The following ATF7IP variants were observed in gnomAD, a reference collection of about 807,000 sequenced individuals.
ATF7IP encodes activating transcription factor 7 interacting protein.
In ATF7IP, 23 loss-of-function variants were observed where a neutral mutation model predicts 106.4. That is an observed-to-expected ratio of 0.22 (90% confidence interval 0.16 to 0.31). The LOEUF (loss-of-function observed/expected upper bound fraction) is 0.31. Among genes scored for constraint, ATF7IP ranks in the 10% least tolerant of loss-of-function variants. ATF7IP has a pLI of 1.00. For synonymous variants in ATF7IP, 542 were observed against 539.0 expected, an observed-to-expected ratio of 1.01 and a Z score of -0.08; for missense variants, 1,334 against 1,524.3, an observed-to-expected ratio of 0.88 and a Z score of 2.08.
At chr12:14,465,659 A>G (rs1943804233) in intron 9 of ATF7IP, among the ~76,000 whole-genome samples, 1 of 152,116 alleles carries the variant, frequency 6.6e-6, no homozygotes, top group African/African-American at 2.4e-5. Context: ...TTAACAGGTG[A>G]ATATTAACCC....
intron 13 of ATF7IP, among the ~76,000 whole-genome samples, chr12:14,486,395 A>G (rs1944613230): frequency 6.6e-6 from 1 of 152,138 alleles, no homozygotes; most frequent in African/African-American, 2.4e-5. Flanking sequence ...GAAGGATGGG[A>G]GAAAGATTCA....
chr12:14,455,881 G>T (rs1327942211), intron 6 of ATF7IP, among the ~76,000 whole-genome samples: 1 of 152,074 alleles, frequency 6.6e-6, no homozygotes, highest in African/African-American at 2.4e-5. Context: ...GAGCCACTGT[G>T]CCCAGCCTCG....
intron 10 of ATF7IP, among the ~76,000 whole-genome samples, chr12:14,470,937 A>G (rs1003655852): frequency 6.6e-6 from 1 of 152,208 alleles, no homozygotes; most frequent in Non-Finnish European, 1.5e-5. Flanking sequence ...TAAGCATTTA[A>G]TGATACACAT....
At chr12:14,478,000 G>T (rs941071810) in intron 11 of ATF7IP, among the ~76,000 whole-genome samples, 1 of 152,092 alleles carries the variant, frequency 6.6e-6, no homozygotes, top group African/African-American at 2.4e-5. Context: ...CTTCCTATAG[G>T]TAGGTAGATT....
chr12:14,422,323 A>G (rs982117607), intron 1 of ATF7IP, among the ~76,000 whole-genome samples: 4 of 132,778 alleles, frequency 3.0e-5, no homozygotes, highest in African/African-American at 1.5e-4. Context: ...ACACACACAC[A>G]CACACACACA....
chr12:14,443,415 TA>T (rs1332478566), intron 5 of ATF7IP, among the ~76,000 whole-genome samples: 1 of 152,176 alleles, frequency 6.6e-6, no homozygotes, highest in Non-Finnish European at 1.5e-5. Flanking sequence ...TTCCCCAGCA[TA>T]GATTTCTCTT....
At position 14,466,196 on chromosome 12, in the gene ATF7IP, G is replaced by A. The variant is rs73058778; in HGVS notation, c.2798-330G>A. Reference sequence around the variant, plus strand: ...ATTTTTTTCTCCAAAAGAACATAGTGTGGAGGAATTATATTTTGTTTAACT... The same window carrying A: ...ATTTTTTTCTCCAAAAGAACATAGTATGGAGGAATTATATTTTGTTTAACT... On this transcript the variant is annotated intron_variant, in intron 9 of 14. Transcript: ENST00000261168. The A allele has an allele frequency of 3.2e-3, 603 of 190,148 alleles. 1 individual carries two copies. The highest frequency in any genetic ancestry group is 4.9e-3 in the Non-Finnish European group (456 of 93,554). The allele number at this position is 190,148 out of a possible 1,614,324, so 11.8% of individuals were successfully genotyped here. A position where few individuals can be genotyped will look rare whatever the true frequency, so the allele number is the denominator to read the frequency against.
intron 1 of ATF7IP, among the ~76,000 whole-genome samples, chr12:14,370,858 G>T (rs1938503897): frequency 6.6e-6 from 1 of 151,210 alleles, no homozygotes; most frequent in Non-Finnish European, 1.5e-5. Flanking sequence ...ATAAAGTATT[G>T]TACAATATTC....
chr12:14,411,189 A>T (rs1404252398), intron 1 of ATF7IP, among the ~76,000 whole-genome samples: 1 of 152,186 alleles, frequency 6.6e-6, no homozygotes, highest in Non-Finnish European at 1.5e-5. Context: ...TGTTTCACAT[A>T]TTGTGGAACT....
intron 10 of ATF7IP, among the ~76,000 whole-genome samples, chr12:14,469,063 A>G (rs1943940998): frequency 6.6e-6 from 1 of 152,136 alleles, no homozygotes; most frequent in Non-Finnish European, 1.5e-5. Flanking sequence ...AAGGTTATTT[A>G]GATCAGAAGA....
intron 1 of ATF7IP, chr12:14,385,385 T>G: frequency 1.3e-6 from 2 of 1,534,022 alleles, no homozygotes; most frequent in Non-Finnish European, 1.7e-6. Context: ...ACTTGTCACA[T>G]GCATCAGGAC....
chr12:14,481,436 GTA>G (rs1944424668), intron 13 of ATF7IP: 3 of 493,034 alleles, frequency 6.1e-6, no homozygotes, highest in Admixed American at 4.2e-5. Context: ...AAAAAGGTAA[GTA>G]TGTGAGATCA....
At chr12:14,382,172 T>C (rs1297279508) in intron 1 of ATF7IP, among the ~76,000 whole-genome samples, 1 of 152,188 alleles carries the variant, frequency 6.6e-6, no homozygotes. Context: ...ACCACTGCAC[T>C]GTAGCCTGTC....
intron 1 of ATF7IP, among the ~76,000 whole-genome samples, chr12:14,371,466 T>C (rs1315968477): frequency 1.3e-5 from 2 of 152,084 alleles, no homozygotes; most frequent in African/African-American, 4.8e-5. Context: ...TTGAGAACTT[T>C]TTCTAGTTCT....
intron 2 of ATF7IP, among the ~76,000 whole-genome samples, chr12:14,427,547 G>C (rs774859564): frequency 2.0e-5 from 3 of 151,978 alleles, no homozygotes; most frequent in Non-Finnish European, 2.9e-5. Flanking sequence ...TGTATTTTTA[G>C]TAGAGTCGGG....
At chr12:14,436,021 A>G in intron 3 of ATF7IP, 85 bp from the exon 4 acceptor site, 1 of 1,367,460 alleles carries the variant, frequency 7.3e-7, no homozygotes, top group Non-Finnish European at 1.0e-6. Flanking sequence ...TATGATAGAA[A>G]TAATATTTTG....
rs181608057 is a variant in ATF7IP, at chr12:14,466,264, T to A, written c.2798-262T>A. 210 of 328,490 alleles carry A rather than the reference T, an allele frequency of 6.4e-4. 2 individuals carry two copies. The East Asian group carries it at 0.012, about 18-fold the overall frequency. The allele number at this position is 328,490 out of a possible 1,614,324, so 20.3% of individuals were successfully genotyped here. A position where few individuals can be genotyped will look rare whatever the true frequency, so the allele number is the denominator to read the frequency against. ...CATTTAAGTTATGTGTATCTTAAAT[T>A]ATTTCCATGAGATACTGCTTAGAGT... On this transcript the variant is annotated intron_variant, in intron 9 of 14. Coordinates refer to ENST00000261168, the MANE Select transcript of ATF7IP (RefSeq NM_018179.5).
chr12:14,385,366 A>G, intron 1 of ATF7IP: 1 of 1,533,604 alleles, frequency 6.5e-7, no homozygotes, highest in South Asian at 1.2e-5. Flanking sequence ...CAAGTATGTC[A>G]GTGAGGAGAC....
chr12:14,466,830 C>G (rs1943851856), intron 10 of ATF7IP, among the ~76,000 whole-genome samples: 1 of 152,014 alleles, frequency 6.6e-6, no homozygotes, highest in Non-Finnish European at 1.5e-5. Flanking sequence ...TATTAACTGA[C>G]TGATTTGATT....
Sources: gnomAD v4.1 joint callset for allele counts (sites outside exome capture counted in the v4.1 genomes callset) on GRCh38, gnomAD v4.1.1 for gene constraint, MANE v1.5 for transcripts, NCBI Gene and HGNC (gene_info 2026-07-23, HGNC 2026-07-21) for gene names.